Variants in GRIK2 observed in about 807,000 individuals in gnomAD.
The protein encoded by GRIK2 is glutamate receptor ionotropic, kainate 2.
GRIK2 carries 32 observed loss-of-function variants against 100.3 expected under a neutral mutation model. The ratio of observed to expected loss-of-function variants is 0.32; its 90% CI spans 0.24 to 0.43. GRIK2 has a LOEUF of 0.43. Ranked by LOEUF, GRIK2 falls within the 20% of genes least tolerant of loss-of-function variation. The pLI, the probability that GRIK2 is intolerant of heterozygous loss-of-function variation, is 1.00. For synonymous variants in GRIK2, 417 were observed against 389.4 expected, an observed-to-expected ratio of 1.07 and a Z score of -0.83; for missense variants, 843 against 1,114.9, an observed-to-expected ratio of 0.76 and a Z score of 3.47.
At chr6:101,431,873 G>T (rs79115055) in intron 2 of GRIK2, among the ~76,000 whole-genome samples, 4 of 151,998 alleles carry the variant, frequency 2.6e-5, no homozygotes, top group Non-Finnish European at 5.9e-5. Context: ...GTAGACCCAC[G>T]TGCACTTTTT....
intron 14 of GRIK2, among the ~76,000 whole-genome samples, chr6:101,996,277 AT>A: frequency 1.3e-5 from 2 of 152,150 alleles, no homozygotes; most frequent in Middle Eastern, 6.8e-3. Flanking sequence ...ATTACATTAG[AT>A]TTTCTATCAA....
At chr6:101,591,213 C>T (rs191138251) in intron 2 of GRIK2, among the ~76,000 whole-genome samples, 252 of 151,262 alleles carry the variant, frequency 1.7e-3, no homozygotes, top group East Asian at 4.9e-3. Context: ...TTAATTTTTC[C>T]GCATAAGTCT....
In GRIK2 at chr6:101,622,040, A is replaced by G; in HGVS notation, c.207A>G (p.Thr69=). Residue 69 remains threonine (T), a synonymous_variant, in exon 3 of 17, where the codon ACA becomes ACG. Transcript: ENST00000369134. Reference sequence around the variant, plus strand: ...TGAACACAATTAACAGAAACAGAACATTGCTACCCAATACTACCCTTACCT... The same window carrying G: ...TGAACACAATTAACAGAAACAGAACGTTGCTACCCAATACTACCCTTACCT... ...FAVNTINRNR[T]LLPNTTLTYD... 1.9e-6 allele frequency: 3 copies of G among 1,603,650 alleles called. No homozygotes were observed. Among genetic ancestry groups the G allele is most frequent in the Non-Finnish European group, 8.5e-7 (1 of 1,170,654 alleles).
Position 101,889,622 on chromosome 6 carries a change from G to GTT in GRIK2, c.1525-16_1525-15dup. The GTT allele has an allele frequency of 1.8e-6, 1 of 556,222 alleles. No homozygotes were observed. Among genetic ancestry groups the GTT allele is most frequent in the South Asian group, 3.3e-5 (1 of 30,682 alleles). The allele number at this position is 556,222 out of a possible 1,614,324, so 34.5% of individuals were successfully genotyped here. On this transcript the variant is annotated splice_polypyrimidine_tract_variant and intron_variant, in intron 11 of 16. Coordinates refer to ENST00000369134, the MANE Select transcript of GRIK2 (RefSeq NM_021956.5). ...CTTTCTTTCTTTTTTTTTTTTTTTT[G>GTT]TTTGTTTCTGTCTACAGAAAGCTGA...
In GRIK2 at chr6:101,998,444, C is replaced by T. The variant is rs375656097; in HGVS notation, c.2086-36897C>T. 3.4e-4 allele frequency among the ~76,000 whole-genome samples: 51 copies of T among 152,094 alleles called. 1 individual carries two copies. The highest frequency in any genetic ancestry group is 1.2e-3 in the African/African-American group (48 of 41,522). On this transcript the variant is annotated intron_variant, in intron 14 of 16. Transcript: ENST00000369134. ...TCTTTTGATCCTCTTAAAAGTGGCTCTGGAATAGCGGAATCACTCAAGTTT... is the reference window on the plus strand; with the variant it reads ...TCTTTTGATCCTCTTAAAAGTGGCTTTGGAATAGCGGAATCACTCAAGTTT...
intron 5 of GRIK2, among the ~76,000 whole-genome samples, chr6:101,677,613 A>G (rs2128340363): frequency 6.6e-6 from 1 of 152,256 alleles, no homozygotes; most frequent in South Asian, 2.1e-4. Flanking sequence ...CCCTACACTT[A>G]CTATGTAGTA....
intron 7 of GRIK2, among the ~76,000 whole-genome samples, chr6:101,735,713 A>C (rs77279769): frequency 0.015 from 2,277 of 152,318 alleles, 67 homozygotes; most frequent in African/African-American, 0.052. Context: ...CTATAAGATG[A>C]GATTTGAGTG....
At position 101,745,475 on chromosome 6, in the gene GRIK2, T is replaced by A. The variant is rs565794112; in HGVS notation, c.952-54173T>A. Among the ~76,000 whole-genome samples, 7 of 152,302 alleles carry A rather than the reference T, an allele frequency of 4.6e-5. No individual in the cohort carries two copies. In the South Asian group the frequency reaches 1.5e-3, roughly 32 times the overall value. ...AAGCACCTGGCCAAGTTATACATAT[T>A]ATAAAGGCTTTTTGGTATTCTCGTT... On this transcript the variant is annotated intron_variant, in intron 7 of 16. Transcript: ENST00000369134.
At chr6:101,695,348 T>TA (rs1772403493) in intron 7 of GRIK2, among the ~76,000 whole-genome samples, 1 of 152,126 alleles carries the variant, frequency 6.6e-6, no homozygotes, top group South Asian at 2.1e-4. Context: ...CATGAGTGCT[T>TA]AATGCAGTGA....
intron 2 of GRIK2, among the ~76,000 whole-genome samples, chr6:101,415,178 A>G (rs1387971079): frequency 6.6e-6 from 1 of 152,090 alleles, no homozygotes; most frequent in Non-Finnish European, 1.5e-5. Flanking sequence ...TGGTTGATTT[A>G]AAACGTAATA....
intron 11 of GRIK2, among the ~76,000 whole-genome samples, chr6:101,885,373 T>C (rs990448790): frequency 1.3e-5 from 2 of 152,206 alleles, no homozygotes; most frequent in Middle Eastern, 3.4e-3. Context: ...GAAATGGATA[T>C]GATATATTTG....
chr6:101,429,686 T>G (rs568438231), intron 2 of GRIK2, among the ~76,000 whole-genome samples: 1 of 152,278 alleles, frequency 6.6e-6, no homozygotes, highest in East Asian at 1.9e-4. Context: ...TTTTTTCTTT[T>G]TTTCTGTTTT....
At chr6:101,742,291 G>A (rs1039499840) in intron 7 of GRIK2, among the ~76,000 whole-genome samples, 18 of 152,188 alleles carry the variant, frequency 1.2e-4, no homozygotes, top group African/African-American at 4.3e-4. Flanking sequence ...GAGGAGGTGA[G>A]AGGACAGGTC....
intron 7 of GRIK2, among the ~76,000 whole-genome samples, chr6:101,745,553 T>A (rs1027576861): frequency 1.3e-5 from 2 of 152,184 alleles, no homozygotes; most frequent in Non-Finnish European, 1.5e-5. Flanking sequence ...GTTTTATGTA[T>A]GAATAATAGA....
chr6:101,750,401 T>C (rs1489379942), intron 7 of GRIK2, among the ~76,000 whole-genome samples: 2 of 152,122 alleles, frequency 1.3e-5, no homozygotes, highest in Non-Finnish European at 2.9e-5. Context: ...TTTACCCTTC[T>C]CACCGAGGCC....
intron 4 of GRIK2, among the ~76,000 whole-genome samples, chr6:101,646,215 C>T (rs1379461824): frequency 6.6e-6 from 1 of 151,846 alleles, no homozygotes; most frequent in Non-Finnish European, 1.5e-5. Context: ...GGGGAGTGAA[C>T]TAATAGATAA....
At chr6:101,478,286 TTAAAA>T (rs1263424069) in intron 2 of GRIK2, among the ~76,000 whole-genome samples, 2 of 152,112 alleles carry the variant, frequency 1.3e-5, no homozygotes, top group Non-Finnish European at 1.5e-5. Context: ...AAACAAAATC[TTAAAA>T]TAACACTTTA....
Position 101,682,523 on chromosome 6 carries a change from G to A in GRIK2, c.724-30G>A, listed in dbSNP as rs780205482. 4.2e-6 allele frequency: 4 copies of A among 948,146 alleles called. No homozygotes were observed. In the African/African-American group the frequency reaches 5.0e-5, roughly 12 times the overall value. 58.7% of individuals were successfully genotyped at this position (948,146 alleles called of 1,614,324 possible). On this transcript the variant is annotated intron_variant, in intron 5 of 16. Coordinates refer to ENST00000369134, the MANE Select transcript of GRIK2 (RefSeq NM_021956.5). ...TGACATACTGTCTTTCCTGAAATATGTACCTTCAGTAATTTTTTTTTTTCC... is the reference window on the plus strand; with the variant it reads ...TGACATACTGTCTTTCCTGAAATATATACCTTCAGTAATTTTTTTTTTTCC...
intron 10 of GRIK2, among the ~76,000 whole-genome samples, chr6:101,836,478 T>C (rs1478456915): frequency 7.7e-6 from 1 of 129,204 alleles, no homozygotes; most frequent in Non-Finnish European, 1.5e-5. Context: ...GTTGAAATGA[T>C]AGTGATAATA....
Sources: gnomAD v4.1 joint callset for allele counts (sites outside exome capture counted in the v4.1 genomes callset) on GRCh38, gnomAD v4.1.1 for gene constraint, MANE v1.5 for transcripts, NCBI Gene and HGNC (gene_info 2026-07-23, HGNC 2026-07-21) for gene names.